Variants in EVI5 observed in about 807,000 individuals in gnomAD.
EVI5 encodes ecotropic viral integration site 5 protein homolog.
A neutral mutation model predicts 112.0 loss-of-function variants in EVI5; 73 were observed. The observed-to-expected ratio is 0.65, with a 90% CI of 0.54 to 0.79. EVI5 has a LOEUF of 0.79. Among genes scored for constraint, EVI5 ranks in the 30% least tolerant of loss-of-function variants. EVI5 has a pLI of 0.00. For synonymous variants in EVI5, 305 were observed against 319.9 expected (o/e 0.95, Z 0.50); for missense variants, 900 against 968.8 (o/e 0.93, Z 0.94).
chr1:92,676,897 A>G (rs1019489729), intron 10 of EVI5, among the ~76,000 whole-genome samples: 2 of 152,216 alleles, frequency 1.3e-5, no homozygotes, highest in African/African-American at 4.8e-5. Context: ...AAATGGAATG[A>G]TAATTTTCTT....
At chr1:92,579,688 T>A (rs1671641043) in intron 18 of EVI5, among the ~76,000 whole-genome samples, 1 of 152,106 alleles carries the variant, frequency 6.6e-6, no homozygotes, top group African/African-American at 2.4e-5. Context: ...ATCTAAATGT[T>A]TGAGGGGAAA....
rs150673932 is a variant in EVI5, at chr1:92,748,605, A to G, written c.-81-11978T>C. ...ACAAAACAAAATTAAAATATTTAAC[A>G]GTGCTTGAAATAAAACCAAGAAACT... On this transcript the variant is annotated intron_variant, in intron 1 of 19. Transcript: ENST00000684568. 6.8e-3 allele frequency among the ~76,000 whole-genome samples: 1,029 copies of G among 152,360 alleles called. 11 individuals are homozygous for G. Among genetic ancestry groups the G allele is most frequent in the African/African-American group, 0.023 (946 of 41,588 alleles).
chr1:92,723,675 C>G (rs976256863), intron 2 of EVI5, among the ~76,000 whole-genome samples: 1 of 152,062 alleles, frequency 6.6e-6, no homozygotes, highest in African/African-American at 2.4e-5. Context: ...TCAGTGCACC[C>G]TGAAAAAGAA....
At chr1:92,589,789 T>G (rs1025160315) in intron 18 of EVI5, among the ~76,000 whole-genome samples, 5 of 152,140 alleles carry the variant, frequency 3.3e-5, no homozygotes, top group Admixed American at 6.5e-5. Context: ...GCACGCAGCT[T>G]GAGATCTGAG....
intron 2 of EVI5, among the ~76,000 whole-genome samples, chr1:92,727,129 C>A (rs1675689375): frequency 6.6e-6 from 1 of 152,032 alleles, no homozygotes; most frequent in Non-Finnish European, 1.5e-5. Flanking sequence ...TTATTGTATC[C>A]ATCATAATGA....
upstream of EVI5, among the ~76,000 whole-genome samples, chr1:92,786,870 C>T (rs575617851): frequency 6.6e-6 from 1 of 152,192 alleles, no homozygotes; most frequent in Non-Finnish European, 1.5e-5. Flanking sequence ...GCTCCAGCCA[C>T]GCTAGCCTCT....
intron 1 of EVI5, among the ~76,000 whole-genome samples, chr1:92,773,299 T>G (rs1683688720): frequency 1.3e-5 from 2 of 151,932 alleles, no homozygotes; most frequent in South Asian, 4.2e-4. Flanking sequence ...TTAATATGCA[T>G]GGATTAAAAA....
intron 13 of EVI5, among the ~76,000 whole-genome samples, chr1:92,650,254 T>C (rs1661852544): frequency 6.6e-6 from 1 of 152,234 alleles, no homozygotes; most frequent in African/African-American, 2.4e-5. Flanking sequence ...ATTGAATCTG[T>C]AGGTGATTTT....
At chr1:92,714,301 T>C (rs931655128) in intron 2 of EVI5, 1 of 215,908 alleles carries the variant, frequency 4.6e-6, no homozygotes, top group African/African-American at 2.3e-5. Context: ...GTTATTTTTA[T>C]ACTTTCTGAA....
chr1:92,573,481 A>C (rs1268160370), intron 18 of EVI5, among the ~76,000 whole-genome samples: 3 of 152,108 alleles, frequency 2.0e-5, no homozygotes, highest in Non-Finnish European at 1.5e-5. Flanking sequence ...GTATAGGTTT[A>C]CATATAACAA....
At chr1:92,619,548 A>C (rs181712600) in intron 16 of EVI5, among the ~76,000 whole-genome samples, 75 of 152,020 alleles carry the variant, frequency 4.9e-4, no homozygotes, top group Non-Finnish European at 9.4e-4. Flanking sequence ...TAATATGCTA[A>C]AGGCTCTAAG....
intron 4 of EVI5, 43 bp downstream of exon 4, chr1:92,703,352 C>T (rs369188484): frequency 3.4e-6 from 4 of 1,165,808 alleles, no homozygotes; most frequent in African/African-American, 1.6e-5. Flanking sequence ...TTCAACCTTC[C>T]AGGAATTCAT....
At chr1:92,735,652 A>AT (rs3042601) in intron 2 of EVI5, among the ~76,000 whole-genome samples, 14 of 142,318 alleles carry the variant, frequency 9.8e-5, no homozygotes, top group African/African-American at 2.8e-4. Flanking sequence ...ATATATATAT[A>AT]ATTATATAAT....
chr1:92,538,855 A>G (rs1251755184), intron 19 of EVI5, among the ~76,000 whole-genome samples: 2 of 152,198 alleles, frequency 1.3e-5, no homozygotes, highest in African/African-American at 4.8e-5. Context: ...GTGTTAGGAA[A>G]CTGCAAGTGG....
intron 16 of EVI5, among the ~76,000 whole-genome samples, chr1:92,613,700 C>T (rs1352383558): frequency 1.3e-5 from 2 of 152,060 alleles, no homozygotes; most frequent in Non-Finnish European, 2.9e-5. Context: ...GCGATCCTCC[C>T]ACCTCGGCCT....
intron 13 of EVI5, among the ~76,000 whole-genome samples, chr1:92,637,315 T>C (rs1289001643): frequency 1.3e-5 from 2 of 149,822 alleles, no homozygotes; most frequent in Admixed American, 6.7e-5. Context: ...GAGGTGGAGG[T>C]TGCAGTAAGC....
intron 16 of EVI5, among the ~76,000 whole-genome samples, chr1:92,620,066 C>T (rs569972595): frequency 2.6e-5 from 4 of 152,170 alleles, no homozygotes; most frequent in Admixed American, 2.0e-4. Context: ...AACCAAGGGC[C>T]GGGCGTGCTG....
intron 19 of EVI5, among the ~76,000 whole-genome samples, chr1:92,552,537 T>G (rs1667103648): frequency 6.6e-6 from 1 of 152,172 alleles, no homozygotes; most frequent in African/African-American, 2.4e-5. Flanking sequence ...TAGAAAAAAT[T>G]CCATCTAATG....
chr1:92,776,854 G>C (rs1235522074), intron 1 of EVI5, among the ~76,000 whole-genome samples: 1 of 150,470 alleles, frequency 6.6e-6, no homozygotes, highest in Non-Finnish European at 1.5e-5. Flanking sequence ...CCAGGCTGGA[G>C]TGCAGTGGCA....
Sources: allele counts gnomAD v4.1 joint callset (sites outside exome capture counted in the v4.1 genomes callset), GRCh38; gene constraint gnomAD v4.1.1; transcripts MANE v1.5; gene names NCBI Gene and HGNC (gene_info 2026-07-23, HGNC 2026-07-21).